ZMYM5: variants seen among roughly 807,000 people sequenced by gnomAD.
ZMYM5 encodes zinc finger MYM-type protein 5.
A neutral mutation model predicts 61.8 loss-of-function variants in ZMYM5; 41 were observed. That is an observed-to-expected ratio of 0.66 (90% CI 0.52 to 0.86). ZMYM5 has a LOEUF of 0.86. Ranked by LOEUF, ZMYM5 falls within the 40% of genes least tolerant of loss-of-function variation. The pLI is 0.00. For missense variants in ZMYM5, 706 were observed against 786.7 expected, an observed-to-expected ratio of 0.90 and a Z score of 1.23; for synonymous variants, 257 against 276.4, an observed-to-expected ratio of 0.93 and a Z score of 0.70.
Position 19,852,194 on chromosome 13 carries a change from TAG to T in ZMYM5, c.-10-6_-10-5del, listed in dbSNP as rs1046136797. The T allele has an allele frequency of 1.3e-6, 2 of 1,539,658 alleles. No homozygotes were observed. Among genetic ancestry groups the T allele is most frequent in the African/African-American group, 2.8e-5 (2 of 71,908 alleles). On this transcript the variant is annotated splice_region_variant and splice_polypyrimidine_tract_variant and intron_variant, in intron 2 of 7. Coordinates refer to ENST00000337963, the MANE Select transcript of ZMYM5 (RefSeq NM_001142684.2). ...ACATTTTTCCATGCCAATGAACCTG[TAG>T]AGACAGAAAAGAAAAAAAAAAGTTC... is the stretch of plus-strand genomic sequence containing the variant.
At chr13:19,835,793 C>A (rs752949085) in intron 6 of ZMYM5, 104 bp from the exon 7 acceptor site, 37 of 801,824 alleles carry the variant, frequency 4.6e-5, no homozygotes, top group Non-Finnish European at 6.0e-5. Context: ...AATCCCTAAT[C>A]ATATCTCAGA....
chr13:19,859,811 A>C (rs187803305), intron 2 of ZMYM5, among the ~76,000 whole-genome samples: 35 of 151,600 alleles, frequency 2.3e-4, no homozygotes, highest in Non-Finnish European at 4.9e-4. Flanking sequence ...TTTTTAAAAA[A>C]CTAATTACAC....
intron 7 of ZMYM5, among the ~76,000 whole-genome samples, chr13:19,826,680 G>A (rs1679736338): frequency 6.6e-6 from 1 of 151,776 alleles, no homozygotes. Context: ...CTTGAACACG[G>A]GAGACAGAGG....
intron 4 of ZMYM5, among the ~76,000 whole-genome samples, chr13:19,839,651 C>T (rs1029055864): frequency 1.1e-4 from 17 of 152,276 alleles, no homozygotes; most frequent in African/African-American, 4.1e-4. Context: ...GCTGGCATTA[C>T]AGGCGTGAGC....
Position 19,825,700 on chromosome 13 carries a change from A to AG in ZMYM5, c.1252-466_1252-465insC, listed in dbSNP as rs550474485. On this transcript the variant is annotated intron_variant, in intron 7 of 7. Transcript: ENST00000337963. Reference sequence around the variant, plus strand: ...GGTGACAAGTCCCAAAAGAAGAAGAAAAAAAAAGGTGACAACATACCACTT... The same window carrying AG: ...GGTGACAAGTCCCAAAAGAAGAAGAAGAAAAAAAGGTGACAACATACCACTT... Among the ~76,000 whole-genome samples the AG allele has an allele frequency of 5.9e-4, 89 of 151,736 alleles. 1 individual carries two copies. Among genetic ancestry groups the AG allele is most frequent in the African/African-American group, 2.0e-3 (81 of 41,384 alleles).
At chr13:19,855,484 A>G (rs1953468451) in intron 2 of ZMYM5, among the ~76,000 whole-genome samples, 1 of 151,322 alleles carries the variant, frequency 6.6e-6, no homozygotes, top group African/African-American at 2.4e-5. Flanking sequence ...GGATGGTCTC[A>G]ATCTCCTGAC....
Position 19,850,542 on chromosome 13 carries a change from A to T in ZMYM5, c.586+813T>A, listed in dbSNP as rs544454801. On this transcript the variant is annotated intron_variant, in intron 4 of 7. Coordinates refer to ENST00000337963, the MANE Select transcript of ZMYM5 (RefSeq NM_001142684.2). ...GTTGAACCCGGGAGGGAGGGGCTGCAGTGAGCCGAGATGACGCCATTGCAC... is the reference window on the plus strand; with the variant it reads ...GTTGAACCCGGGAGGGAGGGGCTGCTGTGAGCCGAGATGACGCCATTGCAC... Among the ~76,000 whole-genome samples the T allele has an allele frequency of 2.8e-3, 431 of 152,270 alleles. 4 individuals are homozygous for T. Among genetic ancestry groups the T allele is most frequent in the African/African-American group, 0.01 (420 of 41,544 alleles).
chr13:19,834,615 C>T (rs953853712), intron 7 of ZMYM5, among the ~76,000 whole-genome samples: 1 of 152,116 alleles, frequency 6.6e-6, no homozygotes, highest in Admixed American at 6.6e-5. Context: ...TGTAGAGCAA[C>T]TAGAATTATC....
intron 4 of ZMYM5, among the ~76,000 whole-genome samples, chr13:19,850,667 C>T (rs1312328691): frequency 6.6e-6 from 1 of 151,834 alleles, no homozygotes; most frequent in South Asian, 2.1e-4. Flanking sequence ...AAATTAAAAG[C>T]TTAAGCAAAA....
chr13:19,832,365 T>C (rs1593852080), intron 7 of ZMYM5, among the ~76,000 whole-genome samples: 1 of 150,628 alleles, frequency 6.6e-6, no homozygotes, highest in African/African-American at 2.4e-5. Flanking sequence ...CTTGCTCTGT[T>C]GCCCAGGCTG....
At chr13:19,847,172 C>T (rs769574038) in intron 4 of ZMYM5, among the ~76,000 whole-genome samples, 1 of 152,076 alleles carries the variant, frequency 6.6e-6, no homozygotes, top group African/African-American at 2.4e-5. Flanking sequence ...TGGTCTCGAA[C>T]TCCCAGCCTC....
At chr13:19,829,369 G>A (rs1484503765) in intron 7 of ZMYM5, among the ~76,000 whole-genome samples, 2 of 151,960 alleles carry the variant, frequency 1.3e-5, no homozygotes, top group African/African-American at 2.4e-5. Context: ...TCACTCACTC[G>A]CAGCCGTGAC....
At chr13:19,825,462 A>G (rs1158283696) in intron 7 of ZMYM5, among the ~76,000 whole-genome samples, 2 of 151,090 alleles carry the variant, frequency 1.3e-5, no homozygotes, top group Admixed American at 1.3e-4. Context: ...TCTGGCCAAT[A>G]TGGTGAAACC....
At chr13:19,841,609 G>T (rs1952880514) in intron 4 of ZMYM5, among the ~76,000 whole-genome samples, 2 of 151,978 alleles carry the variant, frequency 1.3e-5, no homozygotes, top group African/African-American at 4.8e-5. Flanking sequence ...CCTAGAGTCA[G>T]TATCATGGTC....
intron 4 of ZMYM5, among the ~76,000 whole-genome samples, chr13:19,843,079 G>C (rs1952937855): frequency 6.6e-6 from 1 of 151,150 alleles, no homozygotes; most frequent in Non-Finnish European, 1.5e-5. Flanking sequence ...GCCTCCCAAA[G>C]TGCTGCAATT....
chr13:19,840,994 CT>C (rs377117105), intron 4 of ZMYM5, among the ~76,000 whole-genome samples: 3,617 of 136,714 alleles, frequency 0.026, 112 homozygotes, highest in African/African-American at 0.077. Context: ...CCACTTTTTA[CT>C]TTTTTTTTTT....
At chr13:19,835,373 C>A in intron 7 of ZMYM5, 104 bp downstream of exon 7, 1 of 822,276 alleles carries the variant, frequency 1.2e-6, no homozygotes, top group Non-Finnish European at 1.7e-6. Context: ...GACAGAATGG[C>A]AAAATGGAAT....
At chr13:19,833,139 T>C (rs1411941849) in intron 7 of ZMYM5, among the ~76,000 whole-genome samples, 1 of 152,214 alleles carries the variant, frequency 6.6e-6, no homozygotes, top group Non-Finnish European at 1.5e-5. Flanking sequence ...AAATAAGGTT[T>C]TCTTGCAAAA....
chr13:19,857,287 C>T (rs1953550533), intron 2 of ZMYM5, among the ~76,000 whole-genome samples: 1 of 152,186 alleles, frequency 6.6e-6, no homozygotes, highest in Non-Finnish European at 1.5e-5. Context: ...AAAATGCTTA[C>T]ATGTAAACTA....
Sources: allele counts gnomAD v4.1 joint callset (sites outside exome capture counted in the v4.1 genomes callset), GRCh38; gene constraint gnomAD v4.1.1; transcripts MANE v1.5; gene names NCBI Gene and HGNC (gene_info 2026-07-23, HGNC 2026-07-21).